PISD: variants seen among roughly 807,000 people sequenced by gnomAD.
PISD encodes the protein phosphatidylserine decarboxylase proenzyme, mitochondrial.
In PISD, 31 loss-of-function variants were observed where a neutral mutation model predicts 43.5. The ratio of observed to expected loss-of-function variants is 0.71; its 90% CI spans 0.54 to 0.96. The LOEUF (loss-of-function observed/expected upper bound fraction) is 0.96. PISD is among the 40% of genes least tolerant of loss of function. The pLI is 0.00. For missense variants in PISD, 523 were observed against 548.4 expected, an observed-to-expected ratio of 0.95 and a Z score of 0.46; for synonymous variants, 259 against 228.7, an observed-to-expected ratio of 1.13 and a Z score of -1.20.
chr22:31,623,814 AGCCTCC>A (rs747377013), intron 3 of PISD: 1 of 1,613,940 alleles, frequency 6.2e-7, no homozygotes, highest in East Asian at 2.2e-5. Context: ...CAGCTGCCCC[AGCCTCC>A]GCCTCAGGGC....
In PISD at chr22:31,625,568, G is replaced by T. The variant is rs566307212; in HGVS notation, c.322-3683C>A. 18 of 649,996 alleles carry T rather than the reference G, an allele frequency of 2.8e-5. No individual in the cohort carries two copies. The Admixed American group carries it at 4.2e-4, about 15-fold the overall frequency. The allele number at this position is 649,996 out of a possible 1,614,324, so 40.3% of individuals were successfully genotyped here. ...CCCTGCTGGGCCCTCCTCATGGTTG[G>T]AACCAAAGATACCTGAAGCGGGCTC... On this transcript the variant is annotated intron_variant, in intron 3 of 7. Transcript: ENST00000439502.
In PISD at chr22:31,633,441, C is replaced by T. The variant is rs987243548; in HGVS notation, c.322-11556G>A. On this transcript the variant is annotated intron_variant, in intron 3 of 7. Coordinates refer to ENST00000439502, the MANE Select transcript of PISD (RefSeq NM_001326411.2). ...GTTTAAAAACCCGTAAACCACCAGG[C>T]GCGGTGGCTCATGCCTGTAATCCCA... is the stretch of plus-strand genomic sequence containing the variant. 1.3e-5 allele frequency among the ~76,000 whole-genome samples: 2 copies of T among 152,334 alleles called. 1 individual carries two copies. Among genetic ancestry groups the T allele is most frequent in the Middle Eastern group, 6.8e-3 (2 of 294 alleles).
intron 3 of PISD, among the ~76,000 whole-genome samples, chr22:31,646,120 G>A (rs756616946): frequency 2.0e-5 from 3 of 151,952 alleles, no homozygotes; most frequent in Non-Finnish European, 4.4e-5. Context: ...AGGAGTGGCC[G>A]GTACAGTGGC....
In PISD at chr22:31,619,284, C is replaced by T. The variant is rs1252828041; in HGVS notation, c.*328G>A. On this transcript the variant is annotated 3_prime_UTR_variant, in exon 8 of 8. Coordinates refer to ENST00000439502, the MANE Select transcript of PISD (RefSeq NM_001326411.2). ...CAGCAAGAAAAAACGACAACCGAGACCAACTGAAGGTTCGGTCAGGAATGC... is the reference window on the plus strand; with the variant it reads ...CAGCAAGAAAAAACGACAACCGAGATCAACTGAAGGTTCGGTCAGGAATGC... The T allele has an allele frequency of 2.8e-5, 10 of 351,432 alleles. No individual in the cohort carries two copies. The highest frequency in any genetic ancestry group is 4.9e-5 in the Non-Finnish European group (9 of 182,130). 21.8% of individuals were successfully genotyped at this position (351,432 alleles called of 1,614,324 possible). A position where few individuals can be genotyped will look rare whatever the true frequency, so the allele number is the denominator to read the frequency against.
intron 4 of PISD, 79 bp downstream of exon 4, chr22:31,621,570 A>T: frequency 6.3e-7 from 1 of 1,594,352 alleles, no homozygotes; most frequent in East Asian, 2.2e-5. Flanking sequence ...CCTTCCAGAT[A>T]CGCTGGAGAC....
At chr22:31,648,046 G>A in intron 3 of PISD, 55 bp downstream of exon 3, 1 of 1,458,276 alleles carries the variant, frequency 6.9e-7, no homozygotes. Flanking sequence ...AACTGGAAAA[G>A]TGACAGACAA....
At chr22:31,658,843 T>TGTTTTC (rs2074247014) in intron 1 of PISD, among the ~76,000 whole-genome samples, 1 of 149,110 alleles carries the variant, frequency 6.7e-6, no homozygotes, top group Non-Finnish European at 1.5e-5. Context: ...AGTTGCACTA[T>TGTTTTC]TTTTTCTTTT....
At position 31,621,086 on chromosome 22, in the gene PISD, A is replaced by G. The variant is rs1423015746; in HGVS notation, c.754T>C (p.Tyr252His). 1.9e-6 allele frequency: 3 copies of G among 1,613,202 alleles called. No homozygotes were observed. Among genetic ancestry groups the G allele is most frequent in the African/African-American group, 2.7e-5 (2 of 75,036 alleles). The stretch of plus-strand genomic sequence containing the variant: ...GGGGCCAGGTAGATGACACAGTGAT[A>G]GAGCTCATTCCCTTCCCGGGTGACC... ...QLVTREGNEL[Y>H]HCVIYLAPGD... Residue 252 changes from tyrosine to histidine, a missense_variant, in exon 6 of 8, where the codon TAT becomes CAT. By Grantham distance (83) the Tyr-to-His change is moderately conservative. Coordinates refer to ENST00000439502, the MANE Select transcript of PISD (RefSeq NM_001326411.2).
intron 3 of PISD, chr22:31,628,977 C>T (rs888776101): frequency 1.9e-5 from 19 of 985,264 alleles, no homozygotes; most frequent in South Asian, 1.4e-4. Flanking sequence ...GCGGAGTGAC[C>T]GGCCCTGTGA....
At position 31,619,734 on chromosome 22, in the gene PISD, G is replaced by A. The variant is rs1215535448; in HGVS notation, c.1108C>T (p.His370Tyr). ...REGVPMRKGEHLGEFNLGSTI... is the reference protein window; with the variant it reads ...REGVPMRKGEYLGEFNLGSTI... ...GAGCCCAGGTTGAACTCGCCCAGGT[G>A]CTCGCCCTTACGCATGGGGACGCCC... The change falls in exon 8 of 8, where the codon CAC becomes TAC. Residue 370 changes from histidine to tyrosine, a missense_variant. Coordinates refer to ENST00000439502, the MANE Select transcript of PISD (RefSeq NM_001326411.2). 2.5e-6 allele frequency: 4 copies of A among 1,614,104 alleles called. No homozygotes were observed. In the South Asian group the frequency reaches 4.4e-5, roughly 18 times the overall value.
rs1351075300 is a variant in PISD, at chr22:31,619,847, A to C, written c.1006-11T>G. On this transcript the variant is annotated splice_polypyrimidine_tract_variant and intron_variant, in intron 7 of 7. Transcript: ENST00000439502. ...GTTTGTGTGCAGGTCCTGTGGTGAT[A>C]GGCTGGGGGTCAGTGGGGCCCAGGC... The C allele has an allele frequency of 2.5e-6, 4 of 1,597,490 alleles. No individual in the cohort carries two copies. In the African/African-American group the frequency reaches 5.4e-5, roughly 21 times the overall value.
intron 3 of PISD, among the ~76,000 whole-genome samples, chr22:31,640,553 T>A (rs2073662534): frequency 1.4e-5 from 2 of 143,938 alleles, no homozygotes; most frequent in African/African-American, 5.1e-5. Context: ...AATAAAAACA[T>A]CCTTTTTGTT....
intron 3 of PISD, among the ~76,000 whole-genome samples, chr22:31,624,750 C>CGAA (rs2072793336): frequency 6.9e-6 from 1 of 144,992 alleles, no homozygotes; most frequent in Non-Finnish European, 1.5e-5. Flanking sequence ...CACACACACA[C>CGAA]ACACACGAGA....
chr22:31,633,063 CAT>C (rs1398426688), intron 3 of PISD, among the ~76,000 whole-genome samples: 2 of 152,318 alleles, frequency 1.3e-5, no homozygotes, highest in African/African-American at 2.4e-5. Flanking sequence ...CAAGGAAACA[CAT>C]GACATGGGAT....
At chr22:31,628,957 C>A in intron 3 of PISD, 12 of 985,390 alleles carry the variant, frequency 1.2e-5, no homozygotes, top group African/African-American at 1.7e-5. Context: ...AAACAGGAAC[C>A]CAAACTTGCG....
intron 7 of PISD, 100 bp downstream of exon 7, chr22:31,620,453 C>T: frequency 8.3e-7 from 1 of 1,211,916 alleles, no homozygotes; most frequent in South Asian, 1.4e-5. Context: ...CTGTGGCCTC[C>T]CTAGAATTCA....
intron 1 of PISD, among the ~76,000 whole-genome samples, chr22:31,654,383 G>A (rs910382304): frequency 8.5e-5 from 13 of 152,112 alleles, no homozygotes; most frequent in Non-Finnish European, 1.5e-5. Flanking sequence ...TCTCCCCAGA[G>A]ATGCTTATCC....
rs150355846 is a variant in PISD, at chr22:31,634,936, G to A, written c.322-13051C>T. 4.5e-3 allele frequency among the ~76,000 whole-genome samples: 687 copies of A among 151,912 alleles called. 3 individuals carry two copies. The highest frequency in any genetic ancestry group is 0.014 in the African/African-American group (595 of 41,408). On this transcript the variant is annotated intron_variant, in intron 3 of 7. Transcript: ENST00000439502. The stretch of plus-strand genomic sequence containing the variant: ...AATCCCAACACTTTGGGAGGCTGAG[G>A]TGGGCGGATCACCTGAGGTCAAGAG...
intron 3 of PISD, chr22:31,623,958 T>G: frequency 9.8e-7 from 1 of 1,019,980 alleles, no homozygotes; most frequent in Non-Finnish European, 1.4e-6. Flanking sequence ...TACCCACCCT[T>G]GGCAAGCTGC....
Sources: allele counts gnomAD v4.1 joint callset (sites outside exome capture counted in the v4.1 genomes callset), GRCh38; gene constraint gnomAD v4.1.1; transcripts MANE v1.5; gene names NCBI Gene and HGNC (gene_info 2026-07-23, HGNC 2026-07-21).